Variants in EYA2 observed in about 807,000 individuals in gnomAD.
EYA2 encodes the protein EYA transcriptional coactivator and phosphatase 2, also known as protein phosphatase EYA2.
Under a neutral mutation model 69.2 loss-of-function variants are expected in EYA2, and 31 were observed. That is an observed-to-expected ratio of 0.45 (90% CI 0.34 to 0.60). EYA2 has a LOEUF of 0.60. EYA2 is among the 20% of genes least tolerant of loss of function. The pLI is 0.02. For missense variants in EYA2, 622 were observed against 701.2 expected (o/e 0.89, Z 1.28); for synonymous variants, 257 against 279.4 (o/e 0.92, Z 0.80).
chr20:47,087,796 A>T (rs1317651335), intron 7 of EYA2, among the ~76,000 whole-genome samples: 1 of 152,176 alleles, frequency 6.6e-6, no homozygotes, highest in Non-Finnish European at 1.5e-5. Flanking sequence ...ACACATATCC[A>T]TGGGTTGACT....
rs536306468 is a variant in EYA2, at chr20:47,163,634, G to A, written c.979-5505G>A. Among the ~76,000 whole-genome samples, 284 of 143,410 alleles carry A rather than the reference G, an allele frequency of 2.0e-3. 3 individuals are homozygous for A. Among genetic ancestry groups the A allele is most frequent in the African/African-American group, 6.8e-3 (268 of 39,552 alleles). 94.1% of individuals were successfully genotyped at this position (143,410 alleles called of 152,430 possible). On this transcript the variant is annotated intron_variant, in intron 10 of 15. Transcript: ENST00000327619. ...AATTGCTTGAACCTGGGAGGAAGAG[G>A]TTGCAGTGAGCCGAGACTGCACCAT... is the stretch of plus-strand genomic sequence containing the variant.
intron 7 of EYA2, among the ~76,000 whole-genome samples, chr20:47,082,031 G>T (rs922198587): frequency 6.6e-6 from 1 of 151,746 alleles, no homozygotes; most frequent in African/African-American, 2.4e-5. Flanking sequence ...GTAGAGACGG[G>T]GTTTTACCAC....
chr20:47,057,042 T>G (rs1371852405), intron 5 of EYA2, among the ~76,000 whole-genome samples: 1 of 127,448 alleles, frequency 7.8e-6, no homozygotes, highest in Non-Finnish European at 1.5e-5. Flanking sequence ...TGAGGCACTG[T>G]TGAAAGAAAG....
Position 47,137,908 on chromosome 20 carries a change from G to A in EYA2, c.889-5151G>A, listed in dbSNP as rs532670575. On this transcript the variant is annotated intron_variant, in intron 9 of 15. Coordinates refer to ENST00000327619, the MANE Select transcript of EYA2 (RefSeq NM_005244.5). The stretch of plus-strand genomic sequence containing the variant: ...GCAAGAACAAAAAACTAAACAGCGC[G>A]TATTCTCACTCATAGGTGGGAATTG... Among the ~76,000 whole-genome samples the A allele has an allele frequency of 2.0e-3, 306 of 150,472 alleles. 1 individual carries two copies. The highest frequency in any genetic ancestry group is 7.2e-3 in the African/African-American group (294 of 40,870).
intron 1 of EYA2, among the ~76,000 whole-genome samples, chr20:46,969,732 A>G (rs937324696): frequency 2.0e-5 from 3 of 152,128 alleles, no homozygotes; most frequent in African/African-American, 7.2e-5. Context: ...CAGCCCCACA[A>G]TGCACTCTTT....
At chr20:46,980,742 A>G (rs1980781514) in intron 1 of EYA2, among the ~76,000 whole-genome samples, 1 of 152,178 alleles carries the variant, frequency 6.6e-6, no homozygotes, top group Admixed American at 6.5e-5. Context: ...CCCATTAATC[A>G]ACCTCTCTTC....
intron 9 of EYA2, among the ~76,000 whole-genome samples, chr20:47,140,101 A>G (rs1171849483): frequency 2.0e-5 from 3 of 152,212 alleles, no homozygotes; most frequent in Non-Finnish European, 4.4e-5. Context: ...TGTCCAGTAC[A>G]TGGAGGGTTG....
At chr20:47,010,891 G>T (rs1983020573) in intron 4 of EYA2, among the ~76,000 whole-genome samples, 1 of 150,872 alleles carries the variant, frequency 6.6e-6, no homozygotes, top group African/African-American at 2.4e-5. Flanking sequence ...ACGTTCAAGT[G>T]ATTCTCCTGC....
intron 5 of EYA2, among the ~76,000 whole-genome samples, chr20:47,037,069 A>G (rs958435986): frequency 6.6e-6 from 1 of 152,192 alleles, no homozygotes; most frequent in Non-Finnish European, 1.5e-5. Flanking sequence ...GGGGAAGCAA[A>G]GCACCTTCTT....
intron 7 of EYA2, among the ~76,000 whole-genome samples, chr20:47,084,267 G>T (rs1481587976): frequency 6.6e-6 from 1 of 151,986 alleles, no homozygotes; most frequent in African/African-American, 2.4e-5. Context: ...CTGGCTCTGT[G>T]CAGTAGCTCA....
At chr20:47,083,616 A>T (rs1025006195) in intron 7 of EYA2, among the ~76,000 whole-genome samples, 3 of 151,110 alleles carry the variant, frequency 2.0e-5, no homozygotes, top group Admixed American at 6.6e-5. Flanking sequence ...CTGATTATCT[A>T]TACTTCATAC....
intron 7 of EYA2, among the ~76,000 whole-genome samples, chr20:47,081,454 A>C (rs1440491775): frequency 6.6e-6 from 1 of 152,058 alleles, no homozygotes; most frequent in African/African-American, 2.4e-5. Flanking sequence ...TTAACAAATC[A>C]TCATCATCAT....
At chr20:46,943,424 G>A (rs1364291263) in intron 1 of EYA2, among the ~76,000 whole-genome samples, 1 of 150,560 alleles carries the variant, frequency 6.6e-6, no homozygotes, top group Non-Finnish European at 1.5e-5. Flanking sequence ...AGCTTCTCCT[G>A]GCATGGAGAA....
At chr20:46,950,028 T>C (rs1294307490) in intron 1 of EYA2, among the ~76,000 whole-genome samples, 1 of 152,224 alleles carries the variant, frequency 6.6e-6, no homozygotes, top group Non-Finnish European at 1.5e-5. Flanking sequence ...TCTGGTTCCA[T>C]AGCCTGTGTT....
chr20:47,041,739 G>A (rs1985082524), intron 5 of EYA2, among the ~76,000 whole-genome samples: 1 of 152,158 alleles, frequency 6.6e-6, no homozygotes, highest in African/African-American at 2.4e-5. Context: ...TAGGATAGGT[G>A]CTCAGATTGT....
chr20:47,098,498 T>TTTAC lies in EYA2; in HGVS notation c.888+1330_888+1331insTTAC, dbSNP rs553192990. Among the ~76,000 whole-genome samples, 12 of 152,374 alleles carry TTTAC rather than the reference T, an allele frequency of 7.9e-5. No homozygotes were observed. The South Asian group carries it at 2.5e-3, about 32-fold the overall frequency. ...GCTCCGTGCAACAACTCACTTAGTA[T>TTTAC]GGATTGTGTAGGGATGTGTGATCTT... On this transcript the variant is annotated intron_variant, in intron 9 of 15. Coordinates refer to ENST00000327619, the MANE Select transcript of EYA2 (RefSeq NM_005244.5).
intron 10 of EYA2, among the ~76,000 whole-genome samples, chr20:47,158,937 C>G (rs1034504575): frequency 2.0e-5 from 3 of 151,762 alleles, no homozygotes; most frequent in African/African-American, 7.3e-5. Flanking sequence ...AAAATAAAAG[C>G]TGGAATAATA....
At chr20:46,958,713 C>T (rs935865556) in intron 1 of EYA2, among the ~76,000 whole-genome samples, 2 of 152,194 alleles carry the variant, frequency 1.3e-5, no homozygotes, top group Non-Finnish European at 2.9e-5. Context: ...CTCCAATAGG[C>T]TCCAGTGTCT....
At chr20:47,122,290 T>G (rs998288938) in intron 9 of EYA2, among the ~76,000 whole-genome samples, 9 of 110,810 alleles carry the variant, frequency 8.1e-5, no homozygotes, top group African/African-American at 4.3e-4. Context: ...ATTTTCTTGG[T>G]TTTTTTTTTT....
Sources: allele counts gnomAD v4.1 joint callset (sites outside exome capture counted in the v4.1 genomes callset), GRCh38; gene constraint gnomAD v4.1.1; transcripts MANE v1.5; gene names NCBI Gene and HGNC (gene_info 2026-07-23, HGNC 2026-07-21).